Variants in DNAH9 observed in about 807,000 individuals in gnomAD.
The protein encoded by DNAH9 is DNAH9 variant protein.
DNAH9 carries 345 observed loss-of-function variants against 471.6 expected under a neutral mutation model. The ratio of observed to expected loss-of-function variants is 0.73; its 90% CI spans 0.67 to 0.80. The LOEUF is 0.80. Among genes scored for constraint, DNAH9 ranks in the 30% least tolerant of loss-of-function variants. The pLI, the probability that DNAH9 is intolerant of heterozygous loss-of-function variation, is 0.00. For synonymous variants in DNAH9, 2,093 were observed against 2,123.6 expected (o/e 0.99, Z 0.40); for missense variants, 5,407 against 5,609.2 (o/e 0.96, Z 1.15).
intron 56 of DNAH9, among the ~76,000 whole-genome samples, chr17:11,885,710 G>T (rs74418923): frequency 4.6e-5 from 7 of 152,096 alleles, no homozygotes; most frequent in African/African-American, 1.7e-4. Context: ...CTTTGTTAAT[G>T]GTGAGTTTGT....
At chr17:11,953,488 G>A (rs373560644) in intron 67 of DNAH9, among the ~76,000 whole-genome samples, 2 of 152,248 alleles carry the variant, frequency 1.3e-5, no homozygotes, top group South Asian at 2.1e-4. Context: ...TCCTGTTAAT[G>A]GGCATAATCC....
intron 10 of DNAH9, among the ~76,000 whole-genome samples, chr17:11,642,014 C>A (rs1444340144): frequency 6.6e-6 from 1 of 152,196 alleles, no homozygotes; most frequent in African/African-American, 2.4e-5. Flanking sequence ...AGGGGCGTGA[C>A]CTTTGGGTGA....
chr17:11,755,751 T>C (rs1190410945), intron 33 of DNAH9, among the ~76,000 whole-genome samples: 1 of 152,140 alleles, frequency 6.6e-6, no homozygotes, highest in Non-Finnish European at 1.5e-5. Context: ...AGAGGATTAT[T>C]GTAGAAAATT....
At chr17:11,825,073 C>T (rs1347512921) in intron 48 of DNAH9, among the ~76,000 whole-genome samples, 3 of 152,024 alleles carry the variant, frequency 2.0e-5, no homozygotes, top group African/African-American at 7.3e-5. Context: ...TCTGTGATAC[C>T]CCTGTCTTTC....
chr17:11,648,359 C>T (rs1388563910), intron 12 of DNAH9, among the ~76,000 whole-genome samples: 1 of 152,222 alleles, frequency 6.6e-6, no homozygotes, highest in Non-Finnish European at 1.5e-5. Flanking sequence ...GTTTAACTTA[C>T]TGAACTCCTT....
chr17:11,834,259 G>A (rs2150952927), intron 48 of DNAH9, among the ~76,000 whole-genome samples: 1 of 149,674 alleles, frequency 6.7e-6, no homozygotes, highest in Non-Finnish European at 1.5e-5. Flanking sequence ...AACCCAGGAG[G>A]CGGAGGTTGC....
chr17:11,610,779 G>A (rs951262357), intron 3 of DNAH9, among the ~76,000 whole-genome samples: 3 of 152,170 alleles, frequency 2.0e-5, no homozygotes, highest in African/African-American at 7.2e-5. Flanking sequence ...CCTTTCCTGG[G>A]TTCACATCAG....
intron 67 of DNAH9, among the ~76,000 whole-genome samples, chr17:11,953,525 G>A (rs548782783): frequency 1.3e-5 from 2 of 152,126 alleles, no homozygotes; most frequent in Non-Finnish European, 2.9e-5. Context: ...AAGAAGTGCT[G>A]ACAAGGCCAG....
chr17:11,841,900 C>A (rs1971047515), intron 49 of DNAH9, among the ~76,000 whole-genome samples: 1 of 151,950 alleles, frequency 6.6e-6, no homozygotes, highest in Non-Finnish European at 1.5e-5. Flanking sequence ...TTTTAGATTT[C>A]TTTTTCTGTT....
intron 4 of DNAH9, among the ~76,000 whole-genome samples, chr17:11,615,619 C>T (rs542935239): frequency 4.4e-4 from 66 of 148,366 alleles, no homozygotes; most frequent in African/African-American, 1.6e-3. Context: ...ATGAGCCCAG[C>T]TCTCTCTCTC....
intron 14 of DNAH9, among the ~76,000 whole-genome samples, chr17:11,655,431 C>A (rs758070495): frequency 3.3e-5 from 5 of 150,150 alleles, no homozygotes; most frequent in South Asian, 2.1e-4. Context: ...ATAAAAATTT[C>A]TTCTGTTCAT....
At chr17:11,710,416 T>C (rs1286632789) in intron 26 of DNAH9, among the ~76,000 whole-genome samples, 1 of 152,198 alleles carries the variant, frequency 6.6e-6, no homozygotes. Context: ...AGATGACACA[T>C]ACTTTCAAAT....
chr17:11,795,097 A>T (rs1286153976), intron 42 of DNAH9, among the ~76,000 whole-genome samples: 1 of 151,856 alleles, frequency 6.6e-6, no homozygotes, highest in African/African-American at 2.4e-5. Flanking sequence ...TATATATATA[A>T]GACATTAAAG....
At chr17:11,616,557 C>T (rs1268943596) in intron 4 of DNAH9, among the ~76,000 whole-genome samples, 1 of 152,156 alleles carries the variant, frequency 6.6e-6, no homozygotes. Flanking sequence ...CACCACAAGA[C>T]GACTGGTTAA....
intron 49 of DNAH9, among the ~76,000 whole-genome samples, chr17:11,847,168 C>T (rs927550551): frequency 6.6e-6 from 1 of 152,108 alleles, no homozygotes; most frequent in African/African-American, 2.4e-5. Context: ...TCTCTGTTCA[C>T]CCTGTTGATA....
rs188458859 is a variant in DNAH9, at chr17:11,905,694, C to T, written c.11634C>T (p.Tyr3878=). The change falls in exon 61 of 69, where the codon TAC becomes TAT. Residue 3878 remains tyrosine (Y), a synonymous_variant. Transcript: ENST00000262442. ...DFVEEKLGSK[Y]VVGRALDFAT... is the part of the protein sequence containing the mutation. ...TTGAAGAGAAGTTAGGAAGCAAATA[C>T]GTGGTGGGAAGAGCCCTAGATTTTG... 83 of 1,613,960 alleles carry T rather than the reference C, an allele frequency of 5.1e-5. 1 individual carries two copies. In the East Asian group the frequency reaches 6.9e-4, roughly 13 times the overall value.
rs542242362 is a variant in DNAH9 at position 11,868,193 on chromosome 17, G to GA, written c.9934-939dup. ...CATAATCATTTTAGAGAAGTCTTGGGAAGTGTAGGAGGTAAATGAGCATGG... is the reference window on the plus strand; with the variant it reads ...CATAATCATTTTAGAGAAGTCTTGGGAAAGTGTAGGAGGTAAATGAGCATGG... On this transcript the variant is annotated intron_variant, in intron 50 of 68. Coordinates refer to ENST00000262442, the MANE Select transcript of DNAH9 (RefSeq NM_001372.4). 8.5e-5 allele frequency among the ~76,000 whole-genome samples: 13 copies of GA among 152,290 alleles called. No individual in the cohort carries two copies. In the South Asian group the frequency reaches 2.7e-3, roughly 32 times the overall value.
At chr17:11,882,863 G>C (rs1972773691) in intron 55 of DNAH9, 2 of 920,162 alleles carry the variant, frequency 2.2e-6, no homozygotes, top group East Asian at 1.2e-4. Flanking sequence ...CCAGCACAGA[G>C]AACAGCAAAT....
chr17:11,679,772 T>C lies in DNAH9; in HGVS notation c.3369T>C (p.Asp1123=), dbSNP rs8071438. 0.98 allele frequency: 1,582,196 copies of C among 1,613,704 alleles called. 776,019 individuals carry two copies. The highest frequency in any genetic ancestry group is 0.99 in the Non-Finnish European group (1,165,529 of 1,179,660). ...DHVTHSLANL[D]AFIKKSESGL... is the part of the protein sequence containing the mutation. The stretch of plus-strand genomic sequence containing the variant: ...TGTTGATTAGCTTGGCCAACCTGGA[T>C]GCGTTTATAAAGAAGAGTGAGAGCG... Residue 1123 remains aspartate, a synonymous_variant, in exon 18 of 69, where the codon GAT becomes GAC. Transcript: ENST00000262442.
Sources: allele counts gnomAD v4.1 joint callset (sites outside exome capture counted in the v4.1 genomes callset), GRCh38; gene constraint gnomAD v4.1.1; transcripts MANE v1.5; gene names NCBI Gene and HGNC (gene_info 2026-07-23, HGNC 2026-07-21).